CERS6: variants seen among roughly 807,000 people sequenced by gnomAD.
The protein encoded by CERS6 is ceramide synthase 6.
A neutral mutation model predicts 56.8 loss-of-function variants in CERS6; 26 were observed. The ratio of observed to expected loss-of-function variants is 0.46; its 90% CI spans 0.34 to 0.63. CERS6 has a LOEUF of 0.63. CERS6 is among the 30% of genes least tolerant of loss of function. CERS6 has a pLI of 0.01. For missense variants in CERS6, 415 were observed against 467.5 expected (o/e 0.89, Z 1.04); for synonymous variants, 164 against 173.3 (o/e 0.95, Z 0.42).
At chr2:168,763,741 C>T (rs1684647553) in intron 8 of CERS6, among the ~76,000 whole-genome samples, 1 of 152,232 alleles carries the variant, frequency 6.6e-6, no homozygotes, top group African/African-American at 2.4e-5. Context: ...CCTAGCCTCT[C>T]CTGTAGAATC....
chr2:168,744,679 T>C (rs555219517), intron 8 of CERS6, among the ~76,000 whole-genome samples: 4 of 152,344 alleles, frequency 2.6e-5, no homozygotes, highest in Admixed American at 2.6e-4. Flanking sequence ...ATTTAAAACA[T>C]TGAATTTTGC....
At chr2:168,553,683 C>T (rs1695617781) in intron 2 of CERS6, among the ~76,000 whole-genome samples, 1 of 152,088 alleles carries the variant, frequency 6.6e-6, no homozygotes, top group African/African-American at 2.4e-5. Context: ...CTTGAGGAGA[C>T]TCTATTAAAT....
At chr2:168,741,458 G>A (rs780773932) in intron 8 of CERS6, among the ~76,000 whole-genome samples, 14 of 151,486 alleles carry the variant, frequency 9.2e-5, no homozygotes, top group African/African-American at 1.9e-4. Context: ...TCCCTGGGCC[G>A]CTTTGAAAGA....
intron 3 of CERS6, among the ~76,000 whole-genome samples, chr2:168,608,408 TATG>T (rs771906911): frequency 2.0e-5 from 3 of 152,224 alleles, no homozygotes; most frequent in Non-Finnish European, 2.9e-5. Context: ...TACTGAGTCA[TATG>T]ATAAATTCAC....
intron 1 of CERS6, among the ~76,000 whole-genome samples, chr2:168,498,898 G>C (rs1181595463): frequency 6.6e-6 from 1 of 152,146 alleles, no homozygotes; most frequent in Non-Finnish European, 1.5e-5. Context: ...GGGGTATAAT[G>C]AGGTGTGTCT....
intron 3 of CERS6, among the ~76,000 whole-genome samples, chr2:168,591,024 ATAT>A (rs1683657670): frequency 6.6e-6 from 1 of 152,222 alleles, no homozygotes; most frequent in Non-Finnish European, 1.5e-5. Context: ...TAGCTATATA[ATAT>A]TGCATCTATT....
chr2:168,583,292 G>A (rs367650824), intron 3 of CERS6, among the ~76,000 whole-genome samples: 1 of 152,154 alleles, frequency 6.6e-6, no homozygotes, highest in East Asian at 1.9e-4. Context: ...TGTCCTTTTG[G>A]CAAAGAGAGA....
At chr2:168,547,869 GGGCTT>G (rs1695495542) in intron 2 of CERS6, among the ~76,000 whole-genome samples, 168 bp downstream of exon 2, 1 of 152,172 alleles carries the variant, frequency 6.6e-6, no homozygotes, top group Non-Finnish European at 1.5e-5. Flanking sequence ...GAATGAAGAT[GGGCTT>G]GTCTTAGACT....
chr2:168,582,736 C>T (rs933424585), intron 3 of CERS6, among the ~76,000 whole-genome samples: 1 of 152,122 alleles, frequency 6.6e-6, no homozygotes, highest in Non-Finnish European at 1.5e-5. Flanking sequence ...GTGCAATTCC[C>T]AAATTTGACT....
chr2:168,698,734 G>A (rs1336889524), intron 6 of CERS6, among the ~76,000 whole-genome samples: 2 of 152,186 alleles, frequency 1.3e-5, no homozygotes, highest in African/African-American at 2.4e-5. Context: ...GGGGATTGAA[G>A]TGTATCATTT....
rs538473532 is a variant in CERS6 at position 168,703,323 on chromosome 2, G to A, written c.609+8272G>A. ...TGTAATCCCAGCACTTTGGATGGAC[G>A]AGGCAGGCGGATCACTTGAGGTCAG... On this transcript the variant is annotated intron_variant, in intron 6 of 9. Coordinates refer to ENST00000305747, the MANE Select transcript of CERS6 (RefSeq NM_203463.3). Among the ~76,000 whole-genome samples, 6 of 152,230 alleles carry A rather than the reference G, an allele frequency of 3.9e-5. No homozygotes were observed. The South Asian group carries it at 6.2e-4, about 16-fold the overall frequency.
intron 8 of CERS6, among the ~76,000 whole-genome samples, chr2:168,735,731 A>C (rs1488651630): frequency 1.3e-5 from 2 of 151,714 alleles, no homozygotes; most frequent in Non-Finnish European, 2.9e-5. Context: ...TAAAAAAAAA[A>C]ATCAGCCAGG....
In CERS6 at chr2:168,630,941, A is replaced by G. The variant is rs202199902; in HGVS notation, c.408-44A>G. The stretch of plus-strand genomic sequence containing the variant: ...TTACATATTTCAGTATATGCTGTGA[A>G]TATATAAACTGAATGTCACAGATTT... On this transcript the variant is annotated intron_variant, in intron 3 of 9. Transcript: ENST00000305747. 2.5e-4 allele frequency: 229 copies of G among 928,818 alleles called. 2 individuals are homozygous for G. The East Asian group carries it at 5.8e-3, about 23-fold the overall frequency. 57.5% of individuals were successfully genotyped at this position (928,818 alleles called of 1,614,324 possible). A position where few individuals can be genotyped will look rare whatever the true frequency, so the allele number is the denominator to read the frequency against.
chr2:168,480,140 T>A (rs1694153007), intron 1 of CERS6, among the ~76,000 whole-genome samples: 1 of 152,180 alleles, frequency 6.6e-6, no homozygotes, highest in South Asian at 2.1e-4. Flanking sequence ...GGGTTTTGCT[T>A]CTTTAAACTT....
At chr2:168,596,143 T>C (rs1683792011) in intron 3 of CERS6, among the ~76,000 whole-genome samples, 1 of 151,818 alleles carries the variant, frequency 6.6e-6, no homozygotes, top group Non-Finnish European at 1.5e-5. Flanking sequence ...TCAATATTTG[T>C]TTGTAAATGT....
chr2:168,705,067 G>A (rs1416408138), intron 6 of CERS6, among the ~76,000 whole-genome samples: 1 of 152,174 alleles, frequency 6.6e-6, no homozygotes, highest in Non-Finnish European at 1.5e-5. Flanking sequence ...TGCTATGGTA[G>A]TTAGATACCT....
chr2:168,723,322 T>C (rs576127273), intron 8 of CERS6, among the ~76,000 whole-genome samples: 2 of 152,356 alleles, frequency 1.3e-5, no homozygotes, highest in East Asian at 3.9e-4. Context: ...TGTCATAGTT[T>C]ACCTCCCAAT....
intron 6 of CERS6, among the ~76,000 whole-genome samples, chr2:168,705,066 A>G (rs1686904708): frequency 6.6e-6 from 1 of 152,182 alleles, no homozygotes; most frequent in South Asian, 2.1e-4. Context: ...CTGCTATGGT[A>G]GTTAGATACC....
At chr2:168,741,086 A>G (rs868146780) in intron 8 of CERS6, among the ~76,000 whole-genome samples, 2 of 152,198 alleles carry the variant, frequency 1.3e-5, no homozygotes, top group Non-Finnish European at 2.9e-5. Context: ...GATGGTGGTT[A>G]ACAACGTGGA....
Sources: gnomAD v4.1 joint callset for allele counts (sites outside exome capture counted in the v4.1 genomes callset) on GRCh38, gnomAD v4.1.1 for gene constraint, MANE v1.5 for transcripts, NCBI Gene and HGNC (gene_info 2026-07-23, HGNC 2026-07-21) for gene names.